LRRK2: variants seen among roughly 807,000 people sequenced by gnomAD.
The protein encoded by LRRK2 is leucine rich repeat kinase 2, also known as leucine-rich repeat serine/threonine-protein kinase 2.
In LRRK2, 203 loss-of-function variants were observed where a neutral mutation model predicts 302.6. That is an observed-to-expected ratio of 0.67 (90% confidence interval 0.60 to 0.75). LRRK2 has a LOEUF of 0.75. LRRK2 is among the 30% of genes least tolerant of loss of function. The pLI is 0.00. For missense variants in LRRK2, 2,830 were observed against 2,951.0 expected (o/e 0.96, Z 0.95); for synonymous variants, 1,066 against 1,031.9 (o/e 1.03, Z -0.63).
At chr12:40,274,500 A>G (rs979152583) in intron 14 of LRRK2, 83 bp from the exon 15 acceptor site, 1 of 1,386,746 alleles carries the variant, frequency 7.2e-7, no homozygotes, top group Non-Finnish European at 1.0e-6. Context: ...TACTTGATTT[A>G]TATTTTGTCA....
At chr12:40,354,247 G>C in intron 44 of LRRK2, 52 bp from the exon 45 acceptor site, 1 of 1,493,192 alleles carries the variant, frequency 6.7e-7, no homozygotes, top group Non-Finnish European at 9.3e-7. Context: ...ACAAGTTCTA[G>C]TTGCTTAAGC....
chr12:40,273,489 C>A (rs1943321168), intron 14 of LRRK2, among the ~76,000 whole-genome samples: 1 of 152,116 alleles, frequency 6.6e-6, no homozygotes, highest in South Asian at 2.1e-4. Context: ...AATTGAGAGG[C>A]ATTAGGGGAC....
intron 4 of LRRK2, among the ~76,000 whole-genome samples, chr12:40,236,641 A>T (rs1057050474): frequency 6.6e-6 from 1 of 152,154 alleles, no homozygotes; most frequent in African/African-American, 2.4e-5. Flanking sequence ...GGAGGATAGC[A>T]TGAGAGAGGC....
intron 33 of LRRK2, among the ~76,000 whole-genome samples, chr12:40,315,739 A>C (rs1945195688): frequency 6.6e-6 from 1 of 152,052 alleles, no homozygotes; most frequent in African/African-American, 2.4e-5. Context: ...TTAAATGCTT[A>C]CGATTTTGAA....
At chr12:40,358,613 G>A (rs1342089403) in intron 46 of LRRK2, among the ~76,000 whole-genome samples, 4 of 152,088 alleles carry the variant, frequency 2.6e-5, no homozygotes, top group African/African-American at 9.7e-5. Context: ...GTGCTGTTTT[G>A]GTTACTCTAG....
chr12:40,362,814 T>G (rs1366503882), intron 47 of LRRK2, among the ~76,000 whole-genome samples: 1 of 152,042 alleles, frequency 6.6e-6, no homozygotes, highest in African/African-American at 2.4e-5. Context: ...TAATTTTTCT[T>G]TATGTTTAAA....
intron 20 of LRRK2, among the ~76,000 whole-genome samples, chr12:40,291,431 A>AAAATATAT (rs1250763310): frequency 6.8e-6 from 1 of 146,340 alleles, no homozygotes; most frequent in Non-Finnish European, 1.5e-5. Flanking sequence ...AGTATAATAA[A>AAAATATAT]ATATATATAT....
chr12:40,303,169 T>C (rs929831262), intron 26 of LRRK2, among the ~76,000 whole-genome samples: 1 of 152,120 alleles, frequency 6.6e-6, no homozygotes, highest in African/African-American at 2.4e-5. Flanking sequence ...CACTTTAACT[T>C]TTAAAATTTT....
At chr12:40,364,420 A>T (rs1360090816) in intron 48 of LRRK2, among the ~76,000 whole-genome samples, 5 of 152,024 alleles carry the variant, frequency 3.3e-5, no homozygotes, top group East Asian at 3.9e-4. Flanking sequence ...CTGGGAAAAA[A>T]TTCAGTGGTT....
At chr12:40,279,090 G>A (rs1943578634) in intron 18 of LRRK2, among the ~76,000 whole-genome samples, 2 of 150,932 alleles carry the variant, frequency 1.3e-5, no homozygotes, top group Middle Eastern at 3.4e-3. Context: ...AAGTGTTAGA[G>A]TTTATACTAG....
rs201548169 is a variant in LRRK2, at chr12:40,278,141, C to T, written c.2121C>T (p.Tyr707=). ...KCFAKVAMDD[Y]LKNVMLERAC... ...TTGCAAAAGTAGCTATGGATGATTA[C>T]TTAAAAAATGTGATGCTAGAGAGAG... is the stretch of plus-strand genomic sequence containing the variant. Residue 707 remains tyrosine (Y), a synonymous_variant, in exon 18 of 51, where the codon TAC becomes TAT. Coordinates refer to ENST00000298910, the MANE Select transcript of LRRK2 (RefSeq NM_198578.4). The T allele has an allele frequency of 1.7e-4, 275 of 1,613,964 alleles. No homozygotes were observed. The highest frequency in any genetic ancestry group is 2.2e-4 in the Non-Finnish European group (264 of 1,179,998).
chr12:40,327,480 T>C (rs1348023425), intron 38 of LRRK2, among the ~76,000 whole-genome samples: 1 of 152,140 alleles, frequency 6.6e-6, no homozygotes, highest in Non-Finnish European at 1.5e-5. Context: ...CAGCCAGGAC[T>C]GGGGCAGGGA....
intron 40 of LRRK2, among the ~76,000 whole-genome samples, chr12:40,337,514 A>C (rs572654276): frequency 1.3e-5 from 2 of 152,196 alleles, no homozygotes; most frequent in Non-Finnish European, 2.9e-5. Flanking sequence ...TTGCCAGGCC[A>C]GGATACTTGT....
chr12:40,342,725 G>T (rs142542728), intron 41 of LRRK2, among the ~76,000 whole-genome samples: 1 of 152,002 alleles, frequency 6.6e-6, no homozygotes, highest in African/African-American at 2.4e-5. Flanking sequence ...TGTCTTTTCC[G>T]TTTAATGAAT....
intron 18 of LRRK2, among the ~76,000 whole-genome samples, chr12:40,281,572 G>A (rs1266825683): frequency 6.6e-6 from 1 of 152,284 alleles, no homozygotes; most frequent in Admixed American, 6.5e-5. Flanking sequence ...ATATCTGTGA[G>A]CAGTAGTATT....
At chr12:40,364,000 A>G (rs527323800) in intron 48 of LRRK2, among the ~76,000 whole-genome samples, 2 of 152,146 alleles carry the variant, frequency 1.3e-5, no homozygotes, top group East Asian at 3.9e-4. Flanking sequence ...GTGGGGATCA[A>G]GACCCCAGAA....
chr12:40,363,082 TTAGA>T (rs1479513353), intron 47 of LRRK2, among the ~76,000 whole-genome samples: 1 of 151,982 alleles, frequency 6.6e-6, no homozygotes, highest in Admixed American at 6.6e-5. Context: ...CTTCAGAAAT[TTAGA>T]TATAGTACAA....
At chr12:40,247,389 C>A (rs1445949005) in intron 7 of LRRK2, among the ~76,000 whole-genome samples, 1 of 149,408 alleles carries the variant, frequency 6.7e-6, no homozygotes, top group Non-Finnish European at 1.5e-5. Context: ...TCATAGCTTC[C>A]AAAGTGTATA....
In LRRK2 at chr12:40,274,912, C is replaced by G; in HGVS notation, c.1860C>G (p.Phe620Leu). The change falls in exon 16 of 51, where the codon TTC becomes TTG. Residue 620 changes from phenylalanine to leucine, a missense_variant. Physicochemically the swap from Phe to Leu is conservative, Grantham distance 22 (BLOSUM62 0). Around this residue, in one of 3 missense-constraint regions of LRRK2, gnomAD observed 2,121 missense variants for 2,148.0 expected, o/e 0.99. Coordinates refer to ENST00000298910, the MANE Select transcript of LRRK2 (RefSeq NM_198578.4). ...IGYLITKKNV[F>L]IGTGHLLAKI... The stretch of plus-strand genomic sequence containing the variant: ...ACTTGATTACAAAGAAGAATGTGTT[C>G]ATAGGAACTGGACATCTGCTGGCAA... 1 of 1,613,312 alleles carries G rather than the reference C, an allele frequency of 6.2e-7. No individual in the cohort carries two copies. Among genetic ancestry groups the G allele is most frequent in the Non-Finnish European group, 8.5e-7 (1 of 1,179,438 alleles).
Sources: allele counts gnomAD v4.1 joint callset (sites outside exome capture counted in the v4.1 genomes callset), GRCh38; gene constraint gnomAD v4.1.1; regional missense constraint gnomAD v4.1.1; transcripts MANE v1.5; gene names NCBI Gene and HGNC (gene_info 2026-07-23, HGNC 2026-07-21).